The following DLGAP2 variants were observed in gnomAD, a reference collection of about 807,000 sequenced individuals.
DLGAP2 encodes DLG associated protein 2.
Under a neutral mutation model 100.3 loss-of-function variants are expected in DLGAP2, and 26 were observed. The observed-to-expected ratio is 0.26, with a 90% CI of 0.19 to 0.36. The LOEUF (loss-of-function observed/expected upper bound fraction) is 0.36. Among genes scored for constraint, DLGAP2 ranks in the 10% least tolerant of loss-of-function variants. The probability of loss-of-function intolerance (pLI) is 1.00; values close to 1 mark genes in which losing one functional copy is unlikely to be tolerated. For missense variants in DLGAP2, 1,858 were observed against 1,453.2 expected (o/e 1.28, Z -4.53); for synonymous variants, 886 against 630.1 (o/e 1.41, Z -6.08).
chr8:884,408 T>A (rs745769444), intron 1 of DLGAP2, among the ~76,000 whole-genome samples: 2 of 152,244 alleles, frequency 1.3e-5, no homozygotes, highest in Non-Finnish European at 2.9e-5. Context: ...TGAGCTTTTT[T>A]TCATGTTTGT....
chr8:1,629,404 T>A (rs1455100881), intron 7 of DLGAP2, among the ~76,000 whole-genome samples: 1 of 152,144 alleles, frequency 6.6e-6, no homozygotes, highest in East Asian at 1.9e-4. Flanking sequence ...GAATGGTGGG[T>A]CCTCCAGCCC....
chr8:1,506,320 G>T (rs1452417178), intron 4 of DLGAP2, among the ~76,000 whole-genome samples: 2 of 152,250 alleles, frequency 1.3e-5, no homozygotes, highest in East Asian at 3.9e-4. Context: ...TAGAAATAGC[G>T]GAAGTGTATT....
chr8:1,091,749 G>C (rs940027649), intron 2 of DLGAP2, among the ~76,000 whole-genome samples: 3 of 152,132 alleles, frequency 2.0e-5, no homozygotes, highest in Non-Finnish European at 4.4e-5. Flanking sequence ...GGAAGCTGCA[G>C]CTCTGGCCCT....
chr8:797,187 C>T (rs1212303025), intron 1 of DLGAP2, among the ~76,000 whole-genome samples: 2 of 152,190 alleles, frequency 1.3e-5, no homozygotes, highest in African/African-American at 4.8e-5. Context: ...CCGTCATCTC[C>T]GAAAGTCCTG....
Position 894,529 on chromosome 8 carries a change from C to G in DLGAP2, c.19-13383C>G, listed in dbSNP as rs561247256. Among the ~76,000 whole-genome samples the G allele has an allele frequency of 2.0e-5, 3 of 150,560 alleles. No homozygotes were observed. In the Admixed American group the frequency reaches 2.0e-4, roughly 10 times the overall value. The stretch of plus-strand genomic sequence containing the variant: ...GACAAATAAGCCAGGTGCAGAAAGA[C>G]AAGCACAGCTGATCTCACTCACGTG... On this transcript the variant is annotated intron_variant, in intron 1 of 14. Coordinates refer to ENST00000637795, the MANE Select transcript of DLGAP2 (RefSeq NM_001346810.2).
chr8:1,596,005 A>T (rs933355747), intron 6 of DLGAP2, among the ~76,000 whole-genome samples: 1 of 151,572 alleles, frequency 6.6e-6, no homozygotes, highest in African/African-American at 2.4e-5. Flanking sequence ...TGTAACCCCT[A>T]ATGCTATCCC....
chr8:1,470,268 C>G (rs1798743228), intron 3 of DLGAP2, among the ~76,000 whole-genome samples: 2 of 152,104 alleles, frequency 1.3e-5, no homozygotes, highest in South Asian at 4.1e-4. Context: ...TGTGTTAAGT[C>G]CTGGCAGCCA....
chr8:1,567,774 A>C (rs1246674292), intron 6 of DLGAP2, among the ~76,000 whole-genome samples: 3 of 152,222 alleles, frequency 2.0e-5, no homozygotes, highest in African/African-American at 7.2e-5. Context: ...ACTCTTCAAA[A>C]AACCAGCGGA....
intron 3 of DLGAP2, among the ~76,000 whole-genome samples, chr8:1,312,097 A>G (rs1367909526): frequency 3.3e-5 from 5 of 152,244 alleles, no homozygotes; most frequent in South Asian, 2.1e-4. Context: ...CAGCAGCAGA[A>G]CACAGATTCT....
chr8:980,189 G>T (rs1319907827), intron 2 of DLGAP2, among the ~76,000 whole-genome samples: 1 of 152,208 alleles, frequency 6.6e-6, no homozygotes, highest in African/African-American at 2.4e-5. Flanking sequence ...ATTCAGGCCA[G>T]ACTTTGTGAT....
At chr8:1,673,453 C>T (rs928121404) in intron 10 of DLGAP2, among the ~76,000 whole-genome samples, 3 of 152,232 alleles carry the variant, frequency 2.0e-5, no homozygotes, top group Non-Finnish European at 4.4e-5. Flanking sequence ...TTTACCATGT[C>T]CCCTTCAGAC....
At chr8:1,694,085 A>T (rs887915259) in intron 13 of DLGAP2, among the ~76,000 whole-genome samples, 1 of 152,212 alleles carries the variant, frequency 6.6e-6, no homozygotes, top group Non-Finnish European at 1.5e-5. Context: ...AATAGCTAAT[A>T]TTTGGCTTAA....
At chr8:1,437,957 G>A (rs570503550) in intron 3 of DLGAP2, among the ~76,000 whole-genome samples, 3 of 152,090 alleles carry the variant, frequency 2.0e-5, no homozygotes, top group South Asian at 4.2e-4. Context: ...CTGCACTCCA[G>A]CCTGGGCGAC....
At chr8:1,587,879 C>G (rs1483664640) in intron 6 of DLGAP2, among the ~76,000 whole-genome samples, 1 of 152,078 alleles carries the variant, frequency 6.6e-6, no homozygotes, top group Non-Finnish European at 1.5e-5. Flanking sequence ...CTTTCCAAAA[C>G]AGTTAAGTCA....
rs181683532 is a variant in DLGAP2, at chr8:1,481,283, A to G, written c.107-20083A>G. ...ACGTTTTCCTACATGATCCATGTAC[A>G]AGGCCATTAAAACAAACAAAATAGT... On this transcript the variant is annotated intron_variant, in intron 3 of 14. Transcript: ENST00000637795. Among the ~76,000 whole-genome samples the G allele has an allele frequency of 6.8e-3, 1,042 of 152,232 alleles. 13 individuals are homozygous for G. The highest frequency in any genetic ancestry group is 0.023 in the African/African-American group (945 of 41,558).
chr8:1,697,066 A>G (rs1380076833), intron 13 of DLGAP2, 81 bp from the exon 14 acceptor site: 2 of 1,373,290 alleles, frequency 1.5e-6, no homozygotes, highest in African/African-American at 2.9e-5. Flanking sequence ...CTTGAAAGGC[A>G]TGCGTGGGGA....
At chr8:1,448,212 TTG>T (rs1434782361) in intron 3 of DLGAP2, among the ~76,000 whole-genome samples, 3 of 152,232 alleles carry the variant, frequency 2.0e-5, no homozygotes, top group African/African-American at 7.2e-5. Context: ...CTGCTTTCTT[TTG>T]TGGGCATTTA....
At chr8:1,285,544 C>T (rs1205238868) in intron 3 of DLGAP2, among the ~76,000 whole-genome samples, 1 of 152,116 alleles carries the variant, frequency 6.6e-6, no homozygotes, top group Non-Finnish European at 1.5e-5. Context: ...TAATAATAGT[C>T]CACTGCCCAC....
intron 2 of DLGAP2, among the ~76,000 whole-genome samples, chr8:1,104,421 C>T (rs185297378): frequency 3.9e-4 from 60 of 152,272 alleles, no homozygotes; most frequent in African/African-American, 1.3e-3. Flanking sequence ...AGTCATGTTA[C>T]GGAAATCCCT....
Sources: gnomAD v4.1 joint callset for allele counts (sites outside exome capture counted in the v4.1 genomes callset) on GRCh38, gnomAD v4.1.1 for gene constraint, MANE v1.5 for transcripts, NCBI Gene and HGNC (gene_info 2026-07-23, HGNC 2026-07-21) for gene names.